SAMD4B: variants seen among roughly 807,000 people sequenced by gnomAD.
The protein encoded by SAMD4B is sterile alpha motif domain containing 4B, also known as protein Smaug homolog 2.
In SAMD4B, 5 loss-of-function variants were observed where a neutral mutation model predicts 74.5. The observed-to-expected ratio is 0.07, with a 90% CI of 0.04 to 0.14. The LOEUF (loss-of-function observed/expected upper bound fraction) is 0.14. Ranked by LOEUF, SAMD4B falls within the 10% of genes least tolerant of loss-of-function variation. The pLI is 1.00. For missense variants in SAMD4B, 608 were observed against 921.8 expected (o/e 0.66, Z 4.41); for synonymous variants, 373 against 374.9 (o/e 1.00, Z 0.06).
At chr19:39,364,404 ATG>A (rs1317568687) in intron 3 of SAMD4B, among the ~76,000 whole-genome samples, 1 of 152,182 alleles carries the variant, frequency 6.6e-6, no homozygotes, top group African/African-American at 2.4e-5. Flanking sequence ...CACAGACTGA[ATG>A]TTTACTATGA....
At chr19:39,343,475 C>T (rs1366072508) in intron 1 of SAMD4B, among the ~76,000 whole-genome samples, 1 of 151,398 alleles carries the variant, frequency 6.6e-6, no homozygotes, top group Non-Finnish European at 1.5e-5. Flanking sequence ...ATCCCCCTCC[C>T]CACCGTATTG....
At chr19:39,370,517 T>A (rs898607615) in intron 4 of SAMD4B, among the ~76,000 whole-genome samples, 4 of 152,206 alleles carry the variant, frequency 2.6e-5, no homozygotes, top group Non-Finnish European at 4.4e-5. Context: ...CTTTAGACCC[T>A]GCACAAGTGC....
In SAMD4B at chr19:39,378,989, T is replaced by A. The variant is rs1459313213; in HGVS notation, c.1530+400T>A. Among the ~76,000 whole-genome samples the A allele has an allele frequency of 2.0e-5, 3 of 152,156 alleles. No homozygotes were observed. Among genetic ancestry groups the A allele is most frequent in the African/African-American group, 7.2e-5 (3 of 41,430 alleles). ...ACATGCCAGCCCTTCCAGTCTTGTATCTTACCAGTGTTGGCTTTAGAGGCT... is the reference window on the plus strand; with the variant it reads ...ACATGCCAGCCCTTCCAGTCTTGTAACTTACCAGTGTTGGCTTTAGAGGCT... On this transcript the variant is annotated intron_variant, in intron 9 of 13. Coordinates refer to ENST00000610417, the MANE Select transcript of SAMD4B (RefSeq NM_001384574.2). This position sits in a 1 kb window ranked among gnomAD's most constrained non-coding sequence, Gnocchi z 4.4.
chr19:39,369,754 C>T lies in SAMD4B; in HGVS notation c.296C>T (p.Ser99Leu), dbSNP rs960870074. ...CAGCCAGGCAACACAGAGGCCAAGT[C>T]GGAGTACATGAGGCTACTGCAGAAA... The part of the protein sequence containing the change: ...LLQPGNTEAK[S>L]EYMRLLQKVL... Residue 99 changes from serine to leucine, a missense_variant, in exon 4 of 14, where the codon TCG becomes TTG. Coordinates refer to ENST00000610417, the MANE Select transcript of SAMD4B (RefSeq NM_001384574.2). 2.5e-6 allele frequency: 4 copies of T among 1,614,076 alleles called. No homozygotes were observed. The highest frequency in any genetic ancestry group is 1.3e-5 in the African/African-American group (1 of 74,924).
chr19:39,375,778 G>C lies in SAMD4B; in HGVS notation c.796G>C (p.Asp266His), dbSNP rs754373488. 6.2e-7 allele frequency: 1 copy of C among 1,614,114 alleles called. No individual in the cohort carries two copies. The highest frequency in any genetic ancestry group is 8.5e-7 in the Non-Finnish European group (1 of 1,180,032). ...GGCCCGGGCTGCTTTTACCACGCCC[G>C]ATCACGCACCTCTCTCGCCCCAGAG... is the stretch of plus-strand genomic sequence containing the variant. ...LGARAAFTTP[D>H]HAPLSPQSSV... The change falls in exon 5 of 14, where the codon GAT becomes CAT. Residue 266 changes from aspartate (D) to histidine (H), a missense_variant. By Grantham distance (81) the Asp-to-His change is moderately conservative. Transcript: ENST00000610417. This position sits in a 1 kb window ranked among gnomAD's most constrained non-coding sequence, Gnocchi z 4.1.
chr19:39,369,545 G>A (rs1568357497), intron 3 of SAMD4B, 110 bp from the exon 4 acceptor site: 9 of 830,024 alleles, frequency 1.1e-5, no homozygotes, highest in South Asian at 1.1e-4. Context: ...AAAGAAAATC[G>A]TTATGAAAAG....
chr19:39,345,650 C>T (rs2075652356), intron 1 of SAMD4B, among the ~76,000 whole-genome samples: 1 of 152,140 alleles, frequency 6.6e-6, no homozygotes, highest in Non-Finnish European at 1.5e-5. Flanking sequence ...TGTACTTGTC[C>T]ACTCACCCTC....
In SAMD4B at chr19:39,375,381, T is replaced by C. The variant is rs2145775610; in HGVS notation, c.668-269T>C. ...GAAGGCAGGAAACCAATGAGGAGGC[T>C]GTGGCAGTAATTCCTGCCAGGGGTG... On this transcript the variant is annotated intron_variant, in intron 4 of 13. Coordinates refer to ENST00000610417, the MANE Select transcript of SAMD4B (RefSeq NM_001384574.2). This position sits in a 1 kb window ranked among gnomAD's most constrained non-coding sequence, Gnocchi z 4.1. 6.6e-6 allele frequency among the ~76,000 whole-genome samples: 1 copy of C among 152,300 alleles called. No individual in the cohort carries two copies. Among genetic ancestry groups the C allele is most frequent in the South Asian group, 2.1e-4 (1 of 4,830 alleles).
intron 1 of SAMD4B, among the ~76,000 whole-genome samples, chr19:39,347,928 G>T (rs2075798434): frequency 1.3e-5 from 2 of 152,120 alleles, no homozygotes; most frequent in South Asian, 4.1e-4. Context: ...TATTCTGATG[G>T]GGGGAGGAAA....
downstream of SAMD4B, chr19:39,385,946 T>G (rs1163853383): frequency 2.5e-6 from 4 of 1,607,612 alleles, no homozygotes; most frequent in Non-Finnish European, 3.4e-6. Flanking sequence ...AGTGCTTTGC[T>G]GCTCACAATA....
intron 3 of SAMD4B, among the ~76,000 whole-genome samples, chr19:39,368,607 C>G (rs1314092589): frequency 6.6e-6 from 1 of 152,136 alleles, no homozygotes; most frequent in Non-Finnish European, 1.5e-5. Context: ...ATTATAAACT[C>G]CTGGTCAGGA....
intron 3 of SAMD4B, among the ~76,000 whole-genome samples, chr19:39,364,288 C>T (rs1447036359): frequency 1.3e-5 from 2 of 152,216 alleles, no homozygotes; most frequent in Non-Finnish European, 2.9e-5. Context: ...ATGCCTCTGG[C>T]TATGCTGCAA....
chr19:39,377,958 G>GA, intron 8 of SAMD4B, 134 bp downstream of exon 8: 1 of 867,356 alleles, frequency 1.2e-6, no homozygotes, highest in Non-Finnish European at 1.7e-6. Flanking sequence ...ACACTACAGA[G>GA]AGTAGCCAAG....
At chr19:39,377,959 A>G (rs982756287) in intron 8 of SAMD4B, 135 bp downstream of exon 8, 1 of 866,698 alleles carries the variant, frequency 1.2e-6, no homozygotes, top group South Asian at 1.8e-5. Flanking sequence ...CACTACAGAG[A>G]GTAGCCAAGA....
rs1349318293 is a variant in SAMD4B at position 39,383,887 on chromosome 19, CAG to C, written c.*364_*365del. On this transcript the variant is annotated 3_prime_UTR_variant, in exon 14 of 14. Transcript: ENST00000610417. This position sits in a 1 kb window ranked among gnomAD's most constrained non-coding sequence, Gnocchi z 4.1. ...CCTCTCCCCAAGGGAGCAGACTCCC[CAG>C]AGACAAACTGACCACTACCTTGTGG... is the stretch of plus-strand genomic sequence containing the variant. 4.8e-6 allele frequency: 3 copies of C among 619,840 alleles called. No homozygotes were observed. In the African/African-American group the frequency reaches 5.5e-5, roughly 11 times the overall value. 38.4% of individuals were successfully genotyped at this position (619,840 alleles called of 1,614,324 possible). A position where few individuals can be genotyped will look rare whatever the true frequency, so the allele number is the denominator to read the frequency against.
At chr19:39,374,669 G>A (rs1414645931) in intron 4 of SAMD4B, among the ~76,000 whole-genome samples, 2 of 151,826 alleles carry the variant, frequency 1.3e-5, no homozygotes, top group Non-Finnish European at 2.9e-5. Context: ...GTGAAACCCC[G>A]CCTCTACTAA....
rs1306676509 is a variant in SAMD4B, at chr19:39,378,214, A to C, written c.1445-290A>C. The stretch of plus-strand genomic sequence containing the variant: ...TTCCTAAAGCAGCATGATACAGCAG[A>C]CTTTACACTTGGATCCAGATCAGTC... On this transcript the variant is annotated intron_variant, in intron 8 of 13. Transcript: ENST00000610417. This position sits in a 1 kb window ranked among gnomAD's most constrained non-coding sequence, Gnocchi z 4.4. Among the ~76,000 whole-genome samples, 1 of 152,122 alleles carries C rather than the reference A, an allele frequency of 6.6e-6. No individual in the cohort carries two copies. The highest frequency in any genetic ancestry group is 1.5e-5 in the Non-Finnish European group (1 of 68,030).
At position 39,383,640 on chromosome 19, in the gene SAMD4B, A is replaced by G. The variant is rs1405698153; in HGVS notation, c.*113A>G. 4.4e-6 allele frequency: 7 copies of G among 1,606,974 alleles called. No individual in the cohort carries two copies. In the Admixed American group the frequency reaches 1.2e-4, roughly 27 times the overall value. ...GTGGGCTGGCTCAGCTATATATTCT[A>G]ATATTTTTCTACTCTCTTACCCTCT... is the stretch of plus-strand genomic sequence containing the variant. On this transcript the variant is annotated 3_prime_UTR_variant, in exon 14 of 14. Coordinates refer to ENST00000610417, the MANE Select transcript of SAMD4B (RefSeq NM_001384574.2). The surrounding 1 kb of genome is among the most constrained non-coding windows in gnomAD (Gnocchi z 4.1).
intron 1 of SAMD4B, among the ~76,000 whole-genome samples, chr19:39,343,991 C>CT (rs111928210): frequency 1.0e-5 from 1 of 95,826 alleles, no homozygotes; most frequent in Non-Finnish European, 2.7e-5. Flanking sequence ...GACCCCCCCC[C>CT]CCCACACACA....
Sources: gnomAD v4.1 joint callset for allele counts (sites outside exome capture counted in the v4.1 genomes callset) on GRCh38, gnomAD v4.1.1 for gene constraint, Gnocchi (gnomAD v3.1) non-coding constraint, MANE v1.5 for transcripts, NCBI Gene and HGNC (gene_info 2026-07-23, HGNC 2026-07-21) for gene names.